Variants in MIB1 observed in about 807,000 individuals in gnomAD.
MIB1 encodes the protein E3 ubiquitin-protein ligase MIB1.
In MIB1, 278 loss-of-function variants were observed where a neutral mutation model predicts 124.5. That is an observed-to-expected ratio of 2.23 (90% CI 2.02 to 2.47). The LOEUF (loss-of-function observed/expected upper bound fraction) is 2.47, where lower values mean the gene tolerates loss of function less well. MIB1 is among the 30% of genes most tolerant of loss of function. The pLI, the probability that MIB1 is intolerant of heterozygous loss-of-function variation, is 0.00. For synonymous variants in MIB1, 446 were observed against 429.4 expected, an observed-to-expected ratio of 1.04 and a Z score of -0.48; for missense variants, 957 against 1,254.4, an observed-to-expected ratio of 0.76 and a Z score of 3.58.
intron 1 of MIB1, among the ~76,000 whole-genome samples, chr18:21,748,344 T>C (rs929413402): frequency 1.4e-5 from 2 of 148,050 alleles, no homozygotes; most frequent in South Asian, 4.4e-4. Context: ...GCTTTGCTTT[T>C]CTTCCTCTCT....
chr18:21,820,205 A>G (rs1476432702), intron 12 of MIB1, among the ~76,000 whole-genome samples: 1 of 152,208 alleles, frequency 6.6e-6, no homozygotes, highest in Non-Finnish European at 1.5e-5. Flanking sequence ...GCGGTGTCCC[A>G]CAGAATGGGA....
intron 9 of MIB1, among the ~76,000 whole-genome samples, chr18:21,803,371 T>C (rs1302766832): frequency 6.6e-6 from 1 of 152,198 alleles, no homozygotes; most frequent in Non-Finnish European, 1.5e-5. Flanking sequence ...ACATCTGAAG[T>C]GAAGGAAAGG....
At chr18:21,756,734 G>C (rs1407597428) in intron 1 of MIB1, among the ~76,000 whole-genome samples, 3 of 152,118 alleles carry the variant, frequency 2.0e-5, no homozygotes, top group African/African-American at 7.2e-5. Flanking sequence ...AAAGTGCTGG[G>C]ATTACAGGCG....
At chr18:21,848,185 C>T (rs1269668251) in intron 16 of MIB1, among the ~76,000 whole-genome samples, 3 of 152,068 alleles carry the variant, frequency 2.0e-5, no homozygotes, top group Non-Finnish European at 4.4e-5. Context: ...ATCGGCCGGG[C>T]GTGGTGGCTC....
chr18:21,814,241 T>TA (rs2041804862), intron 10 of MIB1, among the ~76,000 whole-genome samples: 1 of 152,196 alleles, frequency 6.6e-6, no homozygotes, highest in Non-Finnish European at 1.5e-5. Flanking sequence ...GCTTCGTTTT[T>TA]ATCTTTTAAT....
At chr18:21,823,231 CAAAAA>C (rs11315288) in intron 12 of MIB1, among the ~76,000 whole-genome samples, 5 of 129,914 alleles carry the variant, frequency 3.8e-5, no homozygotes, top group East Asian at 2.2e-4. Flanking sequence ...AAGACTGTAT[CAAAAA>C]AAAAAAAAAA....
Position 21,741,553 on chromosome 18 carries a change from G to GGCA in MIB1, c.-28_-26dup, listed in dbSNP as rs1347117074. 1 of 1,313,572 alleles carries GGCA rather than the reference G, an allele frequency of 7.6e-7. No individual in the cohort carries two copies. Among genetic ancestry groups the GGCA allele is most frequent in the Non-Finnish European group, 9.7e-7 (1 of 1,029,646 alleles). 81.4% of individuals were successfully genotyped at this position (1,313,572 alleles called of 1,614,324 possible). ...CGGCGGCAGCGGCGGCGGCGGCGGC[G>GGCA]GCAGCGGCGGAGCCCACCGCCCGGG... On this transcript the variant is annotated 5_prime_UTR_variant, in exon 1 of 21. Coordinates refer to ENST00000261537, the MANE Select transcript of MIB1 (RefSeq NM_020774.4). The surrounding 1 kb of genome is among the most constrained non-coding windows in gnomAD (Gnocchi z 5.4).
upstream of MIB1, among the ~76,000 whole-genome samples, chr18:21,735,869 GC>G (rs1456750950): frequency 1.3e-5 from 2 of 152,234 alleles, no homozygotes; most frequent in Non-Finnish European, 2.9e-5. Context: ...AAAGGCAGCA[GC>G]CCCAGTCAGG....
chr18:21,847,466 A>G (rs2041932415), intron 16 of MIB1, among the ~76,000 whole-genome samples: 1 of 152,112 alleles, frequency 6.6e-6, no homozygotes, highest in Non-Finnish European at 1.5e-5. Context: ...TTAATGTTAC[A>G]TGTATTTTAA....
chr18:21,850,631 T>A (rs1223077214), intron 17 of MIB1, among the ~76,000 whole-genome samples: 1 of 152,178 alleles, frequency 6.6e-6, no homozygotes, highest in African/African-American at 2.4e-5. Flanking sequence ...ACTGGAGTGC[T>A]TGTATGTATG....
chr18:21,795,215 A>G (rs2041558914), intron 7 of MIB1, among the ~76,000 whole-genome samples: 1 of 148,138 alleles, frequency 6.8e-6, no homozygotes, highest in Admixed American at 6.8e-5. Context: ...GTAAGGACAC[A>G]TGAATGACTA....
intron 1 of MIB1, among the ~76,000 whole-genome samples, chr18:21,744,320 T>G (rs569466196): frequency 6.6e-6 from 1 of 152,254 alleles, no homozygotes; most frequent in East Asian, 1.9e-4. Context: ...TTAACTTTTG[T>G]TTTTGAAACA....
At position 21,813,877 on chromosome 18, in the gene MIB1, C is replaced by T. The variant is rs537632878; in HGVS notation, c.1480-1739C>T. On this transcript the variant is annotated intron_variant, in intron 10 of 20. Coordinates refer to ENST00000261537, the MANE Select transcript of MIB1 (RefSeq NM_020774.4). ...TTGGATGGAGGAAGTCTTAGAGTAC[C>T]AGGATCAGGGACAGACACATGGTCT... Among the ~76,000 whole-genome samples the T allele has an allele frequency of 7.2e-5, 11 of 151,896 alleles. No individual in the cohort carries two copies. In the East Asian group the frequency reaches 2.1e-3, roughly 29 times the overall value.
chr18:21,801,390 T>A (rs1004916073), intron 9 of MIB1, among the ~76,000 whole-genome samples: 2 of 152,158 alleles, frequency 1.3e-5, no homozygotes, highest in Non-Finnish European at 2.9e-5. Context: ...TAGTTGTGTA[T>A]GTTATATAAA....
chr18:21,858,171 C>T (rs1216410142), intron 19 of MIB1, among the ~76,000 whole-genome samples: 2 of 152,164 alleles, frequency 1.3e-5, no homozygotes, highest in Non-Finnish European at 2.9e-5. Context: ...CCAAAGCTGA[C>T]CAAAGCCCTG....
intron 12 of MIB1, among the ~76,000 whole-genome samples, chr18:21,821,975 C>G (rs2041883303): frequency 1.3e-5 from 2 of 152,130 alleles, no homozygotes; most frequent in Non-Finnish European, 1.5e-5. Flanking sequence ...TTCTGTCTTT[C>G]TCTTTACATT....
chr18:21,839,871 A>C (rs2042066651), intron 13 of MIB1, among the ~76,000 whole-genome samples: 1 of 152,188 alleles, frequency 6.6e-6, no homozygotes, highest in African/African-American at 2.4e-5. Context: ...TTTGTTCTTC[A>C]GCAGCTTTTT....
intron 10 of MIB1, among the ~76,000 whole-genome samples, chr18:21,805,732 T>TA (rs5823310): frequency 1 from 152,145 of 152,168 alleles, 76,061 homozygotes; most frequent in Middle Eastern, 1. Flanking sequence ...CTTTTTAAAG[T>TA]TGCTTTCAGA....
In MIB1 at chr18:21,791,493, A is replaced by T; in HGVS notation, c.1028A>T (p.Tyr343Phe). 1 of 1,614,100 alleles carries T rather than the reference A, an allele frequency of 6.2e-7. No individual in the cohort carries two copies. Among genetic ancestry groups the T allele is most frequent in the Non-Finnish European group, 8.5e-7 (1 of 1,179,960 alleles). ...GTGGGTGATCTTGTACAAGTTTGTT[A>T]TGACCTGGAACGAATTAAACTTCTA... ...FQVGDLVQVC[Y>F]DLERIKLLQR... The change falls in exon 7 of 21, where the codon TAT becomes TTT. Residue 343 changes from tyrosine to phenylalanine, a missense_variant. Transcript: ENST00000261537.
Sources: allele counts gnomAD v4.1 joint callset (sites outside exome capture counted in the v4.1 genomes callset), GRCh38; gene constraint gnomAD v4.1.1; non-coding constraint Gnocchi (gnomAD v3.1); transcripts MANE v1.5; gene names NCBI Gene and HGNC (gene_info 2026-07-23, HGNC 2026-07-21).